FRMPD1: variants seen among roughly 807,000 people sequenced by gnomAD.
FRMPD1 encodes the protein FERM and PDZ domain containing 1.
FRMPD1 carries 76 observed loss-of-function variants against 117.8 expected under a neutral mutation model. The observed-to-expected ratio is 0.65, with a 90% confidence interval of 0.54 to 0.78. The LOEUF is 0.78. Among genes scored for constraint, FRMPD1 ranks in the 30% least tolerant of loss-of-function variants. The probability of loss-of-function intolerance (pLI) is 0.00; values close to 1 mark genes in which losing one functional copy is unlikely to be tolerated. For synonymous variants in FRMPD1, 783 were observed against 770.4 expected (o/e 1.02, Z -0.27); for missense variants, 1,786 against 1,964.5 (o/e 0.91, Z 1.72).
chr9:37,676,723 T>C (rs16934359), intron 1 of FRMPD1, among the ~76,000 whole-genome samples: 34,679 of 152,132 alleles, frequency 0.23, 4,079 homozygotes, highest in Middle Eastern at 0.28. Flanking sequence ...TCTGGCATTC[T>C]TGGCCGCCTG....
chr9:37,681,560 A>G (rs1388405352), intron 1 of FRMPD1, among the ~76,000 whole-genome samples: 1 of 152,260 alleles, frequency 6.6e-6, no homozygotes, highest in Admixed American at 6.5e-5. Context: ...TCACTAAGCT[A>G]TGATCACGGT....
chr9:37,743,847 G>A (rs555867082), intron 15 of FRMPD1, among the ~76,000 whole-genome samples: 8 of 150,998 alleles, frequency 5.3e-5, no homozygotes, highest in South Asian at 2.1e-4. Flanking sequence ...GCTGTGAGCC[G>A]TCACACCACT....
chr9:37,680,594 C>T (rs940846604), intron 1 of FRMPD1, among the ~76,000 whole-genome samples: 3 of 152,090 alleles, frequency 2.0e-5, no homozygotes, highest in Non-Finnish European at 4.4e-5. Flanking sequence ...GAATGCCACC[C>T]TGGGGTGATG....
At chr9:37,619,784 C>G in the FRMPD1 span, among the ~76,000 whole-genome samples, 1 of 150,394 alleles carries the variant, frequency 6.6e-6, no homozygotes, top group African/African-American at 2.4e-5. Flanking sequence ...GAAATTGAAT[C>G]GAAAAAGGTT....
At chr9:37,741,077 A>G in intron 15 of FRMPD1, 193 bp downstream of exon 15, 2 of 595,090 alleles carry the variant, frequency 3.4e-6, no homozygotes, top group East Asian at 2.8e-5. Flanking sequence ...GGAGGTTCAG[A>G]CAACTGTGGC....
At chr9:37,720,742 C>T (rs1033791035) in intron 6 of FRMPD1, among the ~76,000 whole-genome samples, 2 of 151,430 alleles carry the variant, frequency 1.3e-5, no homozygotes, top group Non-Finnish European at 2.9e-5. Context: ...CAAAAATTAG[C>T]TGGGCATGGT....
chr9:37,729,717 G>A lies in FRMPD1; in HGVS notation c.613-11G>A. The A allele has an allele frequency of 6.2e-7, 1 of 1,613,422 alleles. No homozygotes were observed. The highest frequency in any genetic ancestry group is 8.5e-7 in the Non-Finnish European group (1 of 1,179,714). ...TCTTGCGTAACTCCTGCACCTCTCT[G>A]TGCCTGCTAGGACATCATCCTCACC... On this transcript the variant is annotated splice_polypyrimidine_tract_variant and intron_variant, in intron 7 of 15. Transcript: ENST00000377765.
At chr9:37,702,877 C>T (rs10511942) in intron 2 of FRMPD1, among the ~76,000 whole-genome samples, 20,381 of 152,144 alleles carry the variant, frequency 0.13, 1,605 homozygotes, top group Middle Eastern at 0.19. Flanking sequence ...GTAGAGTCTT[C>T]GAGGTCATTC....
chr9:37,733,376 G>T, intron 10 of FRMPD1, 97 bp from the exon 11 acceptor site: 1 of 1,186,098 alleles, frequency 8.4e-7, no homozygotes. Context: ...GCTGTATTAT[G>T]GGAACACTAA....
the FRMPD1 span, among the ~76,000 whole-genome samples, chr9:37,623,984 G>A: frequency 3.9e-5 from 6 of 152,198 alleles, no homozygotes; most frequent in East Asian, 1.2e-3. Context: ...GGTGCATATG[G>A]TTCGGGGCCC....
At chr9:37,677,425 GA>G (rs1481816443) in intron 1 of FRMPD1, among the ~76,000 whole-genome samples, 9 of 152,254 alleles carry the variant, frequency 5.9e-5, no homozygotes, top group Admixed American at 6.5e-5. Context: ...CTAACCTTCT[GA>G]AATGAAGAAT....
intron 1 of FRMPD1, among the ~76,000 whole-genome samples, chr9:37,651,311 G>T (rs1820666561): frequency 6.6e-6 from 1 of 152,160 alleles, no homozygotes; most frequent in South Asian, 2.1e-4. Context: ...GCACAGTAGC[G>T]ATGTGTGCTT....
At chr9:37,665,221 C>T (rs1821126005) in intron 1 of FRMPD1, among the ~76,000 whole-genome samples, 1 of 152,142 alleles carries the variant, frequency 6.6e-6, no homozygotes, top group South Asian at 2.1e-4. Flanking sequence ...CACAAAAAGA[C>T]TGGAAGAGTA....
intron 1 of FRMPD1, among the ~76,000 whole-genome samples, chr9:37,670,943 T>C (rs867708151): frequency 6.6e-6 from 1 of 152,246 alleles, no homozygotes; most frequent in Admixed American, 6.5e-5. Flanking sequence ...AATGCAGCTG[T>C]AACGTTATAA....
chr9:37,654,358 G>A (rs1186814081), intron 1 of FRMPD1, among the ~76,000 whole-genome samples: 1 of 152,204 alleles, frequency 6.6e-6, no homozygotes, highest in African/African-American at 2.4e-5. Context: ...GTCTTGCCTG[G>A]AGCTGGGTGA....
At chr9:37,728,418 C>A (rs1054179076) in intron 7 of FRMPD1, among the ~76,000 whole-genome samples, 1 of 151,980 alleles carries the variant, frequency 6.6e-6, no homozygotes, top group Non-Finnish European at 1.5e-5. Flanking sequence ...GACTGAAACT[C>A]GAAGGAAGAG....
intron 1 of FRMPD1, chr9:37,668,008 C>A (rs1018353429): frequency 3.3e-5 from 5 of 152,324 alleles, no homozygotes; most frequent in African/African-American, 4.8e-5. Context: ...TTTAACTGAA[C>A]ACAACTGGGC....
At chr9:37,700,573 A>G (rs368523317) in intron 2 of FRMPD1, among the ~76,000 whole-genome samples, 3 of 152,236 alleles carry the variant, frequency 2.0e-5, no homozygotes, top group Non-Finnish European at 4.4e-5. Context: ...TTTCCAACAT[A>G]TCAGAGAGCA....
intron 5 of FRMPD1, among the ~76,000 whole-genome samples, chr9:37,717,369 G>A (rs13295935): frequency 0.38 from 35,277 of 93,872 alleles, 5,451 homozygotes; most frequent in Non-Finnish European, 0.45. Flanking sequence ...GTGTGTGTGT[G>A]TATATATATA....
Sources: gnomAD v4.1 joint callset for allele counts (sites outside exome capture counted in the v4.1 genomes callset) on GRCh38, gnomAD v4.1.1 for gene constraint, MANE v1.5 for transcripts, NCBI Gene and HGNC (gene_info 2026-07-23, HGNC 2026-07-21) for gene names.